CFH: variants seen among roughly 807,000 people sequenced by gnomAD.
The protein encoded by CFH is H factor 1 (complement).
Under a neutral mutation model 147.3 loss-of-function variants are expected in CFH, and 53 were observed. That is an observed-to-expected ratio of 0.36 (90% CI 0.29 to 0.45). The LOEUF (loss-of-function observed/expected upper bound fraction) is 0.45, where lower values mean the gene tolerates loss of function less well. Ranked by LOEUF, CFH falls within the 20% of genes least tolerant of loss-of-function variation. CFH has a pLI of 1.00. For synonymous variants in CFH, 536 were observed against 489.4 expected, an observed-to-expected ratio of 1.10 and a Z score of -1.26; for missense variants, 1,380 against 1,498.0, an observed-to-expected ratio of 0.92 and a Z score of 1.30.
chr1:196,741,506 CAG>C, intron 18 of CFH: 1 of 285,962 alleles, frequency 3.5e-6, no homozygotes, highest in South Asian at 3.4e-5. Flanking sequence ...CACTTCCCAC[CAG>C]GTCTCTCTCT....
At chr1:196,707,071 A>G (rs1668607227) in intron 9 of CFH, among the ~76,000 whole-genome samples, 1 of 152,124 alleles carries the variant, frequency 6.6e-6, no homozygotes, top group Non-Finnish European at 1.5e-5. Flanking sequence ...AGGACACCAT[A>G]TATTCCAGGC....
At chr1:196,674,028 T>C in intron 3 of CFH, 66 bp downstream of exon 3, 1 of 1,094,610 alleles carries the variant, frequency 9.1e-7, no homozygotes, top group Non-Finnish European at 1.4e-6. Context: ...CTACTTTATA[T>C]ATTTTTAAGG....
chr1:196,677,993 C>G, intron 5 of CFH: 1 of 350,338 alleles, frequency 2.9e-6, no homozygotes, highest in Admixed American at 4.0e-5. Flanking sequence ...AGAGTCCATG[C>G]TTTAACCATA....
chr1:196,706,871 A>T (rs1668603050), intron 9 of CFH, among the ~76,000 whole-genome samples: 1 of 152,192 alleles, frequency 6.6e-6, no homozygotes, highest in South Asian at 2.1e-4. Flanking sequence ...TTTTACCGTG[A>T]TGCCAAGGGT....
At chr1:196,718,395 A>G (rs1668922381) in intron 11 of CFH, among the ~76,000 whole-genome samples, 2 of 152,272 alleles carry the variant, frequency 1.3e-5, no homozygotes, top group South Asian at 2.1e-4. Flanking sequence ...GTTGAAAGCC[A>G]TTTGTTATAG....
chr1:196,681,493 C>T (rs1014271821), intron 6 of CFH, among the ~76,000 whole-genome samples: 5 of 151,452 alleles, frequency 3.3e-5, no homozygotes, highest in African/African-American at 1.2e-4. Context: ...CACACACACA[C>T]ACACCCCTCA....
At chr1:196,695,535 C>T (rs1421581222) in intron 9 of CFH, among the ~76,000 whole-genome samples, 1 of 151,840 alleles carries the variant, frequency 6.6e-6, no homozygotes, top group Non-Finnish European at 1.5e-5. Flanking sequence ...TTTCTTAGTT[C>T]TGTGAAGAAA....
At chr1:196,718,585 A>G (rs1668926450) in intron 11 of CFH, among the ~76,000 whole-genome samples, 1 of 152,078 alleles carries the variant, frequency 6.6e-6, no homozygotes, top group African/African-American at 2.4e-5. Context: ...GGGAGGCTTA[A>G]TTTAAGAGAC....
intron 9 of CFH, among the ~76,000 whole-genome samples, chr1:196,699,780 T>C (rs977271529): frequency 6.6e-6 from 1 of 152,178 alleles, no homozygotes; most frequent in African/African-American, 2.4e-5. Flanking sequence ...TGCTCCTTTT[T>C]TAAATTGAAA....
In CFH at chr1:196,653,610, C is replaced by G. The variant is rs571709801; in HGVS notation, c.58+1435C>G. On this transcript the variant is annotated intron_variant, in intron 1 of 21. Transcript: ENST00000367429. ...AAGAATCAATGGCAAGTTTAATAAA[C>G]AGTTTAAGTTATTAAAAAGTTGAAT... 2.3e-4 allele frequency among the ~76,000 whole-genome samples: 35 copies of G among 151,922 alleles called. 1 individual carries two copies. The South Asian group carries it at 6.8e-3, about 30-fold the overall frequency.
In CFH at chr1:196,737,488, T is replaced by C; in HGVS notation, c.2610T>C (p.Cys870=). The C allele has an allele frequency of 1.2e-6, 2 of 1,612,388 alleles. No homozygotes were observed. Among genetic ancestry groups the C allele is most frequent in the Non-Finnish European group, 1.7e-6 (2 of 1,178,928 alleles). Residue 870 remains cysteine (C), a synonymous_variant, in exon 17 of 22, where the codon TGT becomes TGC. Transcript: ENST00000367429. ...TTCTTCATTTAGAAAAAATTCCATGTTCACAACCACCTCAGATAGAACACG... is the reference window on the plus strand; with the variant it reads ...TTCTTCATTTAGAAAAAATTCCATGCTCACAACCACCTCAGATAGAACACG... ...SIPLCVEKIP[C]SQPPQIEHGT...
intron 7 of CFH, among the ~76,000 whole-genome samples, chr1:196,687,513 C>G (rs780263062): frequency 4.5e-4 from 68 of 151,688 alleles, no homozygotes; most frequent in Non-Finnish European, 7.2e-4. Context: ...TTATGACCTT[C>G]TGGGAAATAC....
chr1:196,685,212 C>A lies in CFH; in HGVS notation c.939C>A (p.Gly313=), dbSNP rs757280690. Residue 313 remains glycine, a synonymous_variant, in exon 7 of 22, where the codon GGC becomes GGA. Transcript: ENST00000367429. The part of the protein sequence containing the change: ...RGNTAKCTST[G]WIPAPRCTLK... ...ATACAGCAAAATGCACAAGTACTGGCTGGATACCTGCTCCGAGATGTACCT... is the reference window on the plus strand; with the variant it reads ...ATACAGCAAAATGCACAAGTACTGGATGGATACCTGCTCCGAGATGTACCT... 6.2e-7 allele frequency: 1 copy of A among 1,612,900 alleles called. No homozygotes were observed. The highest frequency in any genetic ancestry group is 1.1e-5 in the South Asian group (1 of 91,064).
intron 9 of CFH, among the ~76,000 whole-genome samples, chr1:196,703,142 T>C (rs1668502500): frequency 6.6e-6 from 1 of 152,112 alleles, no homozygotes; most frequent in Admixed American, 6.5e-5. Context: ...CAAGGAATAA[T>C]GAAAATGGCA....
chr1:196,683,870 AGAG>A (rs990493837), intron 6 of CFH, among the ~76,000 whole-genome samples: 5 of 151,742 alleles, frequency 3.3e-5, no homozygotes, highest in African/African-American at 1.2e-4. Flanking sequence ...TTGAGAAAAG[AGAG>A]GAGACTATGG....
Position 196,726,496 on chromosome 1 carries a change from C to G in CFH, c.1900C>G (p.Pro634Ala), listed in dbSNP as rs752702036. The change falls in exon 13 of 22, where the codon CCT becomes GCT. Residue 634 changes from proline to alanine, a missense_variant. By Grantham distance (27) the Pro-to-Ala change is conservative (BLOSUM62 -1). This residue lies in a region of CFH where 830 missense variants were observed against 821.4 expected (regional missense o/e 1.01). Coordinates refer to ENST00000367429, the MANE Select transcript of CFH (RefSeq NM_000186.4). ...KEQVQSCGPP[P>A]ELLNGNVKEK... The stretch of plus-strand genomic sequence containing the variant: ...GCAAGTACAATCATGTGGTCCACCT[C>G]CTGAACTCCTCAATGGGAATGTTAA... 6.2e-7 allele frequency: 1 copy of G among 1,612,330 alleles called. No homozygotes were observed. The highest frequency in any genetic ancestry group is 2.2e-5 in the East Asian group (1 of 44,724).
intron 3 of CFH, among the ~76,000 whole-genome samples, chr1:196,675,062 T>C (rs1353456982): frequency 5.9e-5 from 9 of 152,148 alleles, no homozygotes. Context: ...GGTTATAATA[T>C]CCTGGGGCTG....
chr1:196,665,727 G>C (rs1311803889), intron 1 of CFH, among the ~76,000 whole-genome samples: 2 of 152,018 alleles, frequency 1.3e-5, no homozygotes. Context: ...CCTGCCTCAC[G>C]CCCCCACGTA....
chr1:196,692,708 T>TTTTC (rs61229706), intron 9 of CFH, among the ~76,000 whole-genome samples: 4 of 122,856 alleles, frequency 3.3e-5, no homozygotes, highest in Non-Finnish European at 6.8e-5. Flanking sequence ...CTTCCTTTCT[T>TTTTC]TTTCTTTCTT....
Sources: allele counts gnomAD v4.1 joint callset (sites outside exome capture counted in the v4.1 genomes callset), GRCh38; gene constraint gnomAD v4.1.1; regional missense constraint gnomAD v4.1.1; transcripts MANE v1.5; gene names NCBI Gene and HGNC (gene_info 2026-07-23, HGNC 2026-07-21).